MEIS2: variants seen among roughly 807,000 people sequenced by gnomAD.
MEIS2 encodes the protein homeobox protein Meis2.
In MEIS2, 9 loss-of-function variants were observed where a neutral mutation model predicts 58.6. The observed-to-expected ratio is 0.15, with a 90% CI of 0.09 to 0.27. The LOEUF is 0.27. Among genes scored for constraint, MEIS2 ranks in the 10% least tolerant of loss-of-function variants. The pLI is 1.00. For missense variants in MEIS2, 427 were observed against 635.0 expected, an observed-to-expected ratio of 0.67 and a Z score of 3.52; for synonymous variants, 221 against 228.4, an observed-to-expected ratio of 0.97 and a Z score of 0.29.
chr15:37,008,530 C>A (rs1365594864), intron 8 of MEIS2, among the ~76,000 whole-genome samples: 1 of 152,174 alleles, frequency 6.6e-6, no homozygotes. Context: ...TAATAAGTCA[C>A]CTCCTCAATT....
chr15:36,906,504 T>C (rs2056743593), intron 9 of MEIS2, among the ~76,000 whole-genome samples: 1 of 152,104 alleles, frequency 6.6e-6, no homozygotes, highest in Non-Finnish European at 1.5e-5. Flanking sequence ...TTATGTTTAG[T>C]ATGTTACGGT....
At chr15:37,009,869 A>G (rs558565698) in intron 8 of MEIS2, among the ~76,000 whole-genome samples, 2 of 152,360 alleles carry the variant, frequency 1.3e-5, no homozygotes, top group African/African-American at 4.8e-5. Flanking sequence ...CAGAGTAAAT[A>G]TGGATATGAA....
chr15:36,896,784 T>C (rs2056200407), intron 9 of MEIS2, 98 bp from the exon 10 acceptor site: 4 of 952,018 alleles, frequency 4.2e-6, no homozygotes, highest in Non-Finnish European at 6.7e-6. Flanking sequence ...CAGTCAAATC[T>C]CTTCTGAAAA....
At chr15:37,093,904 A>G in intron 5 of MEIS2, 174 bp from the exon 6 acceptor site, 1 of 720,884 alleles carries the variant, frequency 1.4e-6, no homozygotes. Flanking sequence ...GCAAGGAAAC[A>G]ATAGAGTAAT....
At chr15:36,976,375 C>T (rs62045769) in intron 8 of MEIS2, among the ~76,000 whole-genome samples, 19,189 of 151,770 alleles carry the variant, frequency 0.13, 1,296 homozygotes, top group South Asian at 0.22. Flanking sequence ...TGAGCCACCG[C>T]GCCTGGCCTA....
At chr15:36,918,690 G>A (rs530318342) in intron 9 of MEIS2, among the ~76,000 whole-genome samples, 3 of 152,166 alleles carry the variant, frequency 2.0e-5, no homozygotes, top group African/African-American at 7.2e-5. Flanking sequence ...GCGGGAGGAG[G>A]AGAGGAAGCT....
chr15:36,894,499 C>G, intron 11 of MEIS2: 1 of 390,766 alleles, frequency 2.6e-6, no homozygotes. Context: ...GTCCCACCTG[C>G]TTAAAACACA....
intron 1 of MEIS2, chr15:37,098,474 GT>G: frequency 1.0e-6 from 1 of 993,802 alleles, no homozygotes. Flanking sequence ...CCGAGCACAA[GT>G]TGAGCACACA....
At chr15:36,919,916 T>C (rs1484451611) in intron 9 of MEIS2, among the ~76,000 whole-genome samples, 5 of 152,184 alleles carry the variant, frequency 3.3e-5, no homozygotes, top group Non-Finnish European at 7.3e-5. Context: ...GGATCTTTAT[T>C]TAGAGCTCAC....
chr15:37,003,939 T>C (rs2060828018), intron 8 of MEIS2, among the ~76,000 whole-genome samples: 1 of 152,192 alleles, frequency 6.6e-6, no homozygotes, highest in Non-Finnish European at 1.5e-5. Flanking sequence ...AGCACCATCA[T>C]CTTGGACTTC....
chr15:37,059,613 T>C (rs932088632), intron 7 of MEIS2, among the ~76,000 whole-genome samples: 1 of 151,666 alleles, frequency 6.6e-6, no homozygotes, highest in African/African-American at 2.4e-5. Flanking sequence ...TTCCTAAGTG[T>C]ACTGCCTTCT....
intron 10 of MEIS2, among the ~76,000 whole-genome samples, chr15:36,895,712 T>A (rs1297912783): frequency 6.6e-6 from 1 of 152,230 alleles, no homozygotes; most frequent in African/African-American, 2.4e-5. Context: ...AAAGCTTGCC[T>A]TTTTATTCAC....
At position 36,889,864 on chromosome 15, in the gene MEIS2, C is replaced by G. The variant is rs1179141904; in HGVS notation, c.*2309G>C. 6.6e-6 allele frequency: 1 copy of G among 152,222 alleles called. No individual in the cohort carries two copies. Among genetic ancestry groups the G allele is most frequent in the Non-Finnish European group, 1.5e-5 (1 of 68,030 alleles). The allele number at this position is 152,222 out of a possible 1,614,324, so 9.4% of individuals were successfully genotyped here. On this transcript the variant is annotated 3_prime_UTR_variant, in exon 12 of 12. Coordinates refer to ENST00000561208, the MANE Select transcript of MEIS2 (RefSeq NM_170675.5). ...ATAGCAAAAATGAGAGGGAAGCTAT[C>G]TCTCTTTCCCAAGTGGCACTGAATT...
At chr15:36,906,886 T>A (rs1041799654) in intron 9 of MEIS2, among the ~76,000 whole-genome samples, 3 of 152,210 alleles carry the variant, frequency 2.0e-5, no homozygotes, top group Admixed American at 2.0e-4. Context: ...CCAAGTCGAT[T>A]GTTAGTAAAA....
rs932065041 is a variant in MEIS2 at position 36,912,851 on chromosome 15, A to T, written c.978-16165T>A. 7.2e-5 allele frequency among the ~76,000 whole-genome samples: 11 copies of T among 152,142 alleles called. No individual in the cohort carries two copies. In the East Asian group the frequency reaches 1.5e-3, roughly 21 times the overall value. ...CTCCTGAAAAAAAAAAAAAAAAGAAAAAAAAGGTGCTAAACTGTCAAAGTG... is the reference window on the plus strand; with the variant it reads ...CTCCTGAAAAAAAAAAAAAAAAGAATAAAAAGGTGCTAAACTGTCAAAGTG... On this transcript the variant is annotated intron_variant, in intron 9 of 11. Coordinates refer to ENST00000561208, the MANE Select transcript of MEIS2 (RefSeq NM_170675.5).
intron 7 of MEIS2, among the ~76,000 whole-genome samples, chr15:37,045,729 C>T (rs1384552423): frequency 6.6e-6 from 1 of 152,068 alleles, no homozygotes; most frequent in African/African-American, 2.4e-5. Flanking sequence ...ACTGTCCGGA[C>T]ATGTTAAAGT....
intron 7 of MEIS2, among the ~76,000 whole-genome samples, chr15:37,040,877 A>G (rs2062393931): frequency 6.6e-6 from 1 of 152,212 alleles, no homozygotes; most frequent in Non-Finnish European, 1.5e-5. Context: ...GGAAAAAGGA[A>G]TTTGTAATTT....
rs757669617 is a variant in MEIS2 at position 37,098,013 on chromosome 15, A to T, written c.199T>A (p.Ser67Thr). Residue 67 changes from serine to threonine, a missense_variant, in exon 2 of 12, where the codon TCC (serine) becomes ACC (threonine). By Grantham distance (58) the Ser-to-Thr change is moderately conservative (BLOSUM62 1). Transcript: ENST00000561208. Reference sequence around the variant, plus strand: ...CGCTTCAAGGCGTCGTTGACAGCGGATCCCATACTGGCCGGCATGACATTG... The same window carrying T: ...CGCTTCAAGGCGTCGTTGACAGCGGTTCCCATACTGGCCGGCATGACATTG... ...HPNVMPASMG[S>T]AVNDALKRDK... 14 of 1,612,312 alleles carry T rather than the reference A, an allele frequency of 8.7e-6. No individual in the cohort carries two copies. The highest frequency in any genetic ancestry group is 1.2e-5 in the Non-Finnish European group (14 of 1,178,914).
At chr15:36,942,761 G>A (rs949649431) in intron 9 of MEIS2, among the ~76,000 whole-genome samples, 4 of 151,608 alleles carry the variant, frequency 2.6e-5, no homozygotes, top group Non-Finnish European at 5.9e-5. Context: ...TGGAAGAAAT[G>A]AGAAAAAAAA....
Sources: gnomAD v4.1 joint callset for allele counts (sites outside exome capture counted in the v4.1 genomes callset) on GRCh38, gnomAD v4.1.1 for gene constraint, MANE v1.5 for transcripts, NCBI Gene and HGNC (gene_info 2026-07-23, HGNC 2026-07-21) for gene names.